The following DHRSX variants were observed in gnomAD, a reference collection of about 807,000 sequenced individuals.
DHRSX encodes the protein dehydrogenase/reductase X-linked, also known as polyprenol dehydrogenase.
A neutral mutation model predicts 34.0 loss-of-function variants in DHRSX; 31 were observed. The ratio of observed to expected loss-of-function variants is 0.91; its 90% CI spans 0.69 to 1.23. The LOEUF (loss-of-function observed/expected upper bound fraction) is 1.23, where lower values mean the gene tolerates loss of function less well. Ranked by LOEUF, DHRSX falls within the 50% of genes most tolerant of loss-of-function variation. DHRSX has a pLI of 0.00. For synonymous variants in DHRSX, 201 were observed against 183.8 expected (o/e 1.09, Z -0.76); for missense variants, 414 against 428.1 (o/e 0.97, Z 0.29).
intron 3 of DHRSX, among the ~76,000 whole-genome samples, chrX:2,386,769 G>T (rs1035883159): frequency 6.6e-6 from 1 of 151,620 alleles, no homozygotes; most frequent in African/African-American, 2.4e-5. Context: ...CCTCTTTCTT[G>T]TTCCAATTCA....
intron 6 of DHRSX, among the ~76,000 whole-genome samples, chrX:2,223,127 C>CA (rs1302351538): frequency 6.6e-6 from 1 of 152,092 alleles, no homozygotes; most frequent in Non-Finnish European, 1.5e-5. Flanking sequence ...GCTGTGTCCC[C>CA]ACCCAAATTT....
At chrX:2,243,797 T>TTGTTTTGTTTTG (rs1385340878) in intron 5 of DHRSX, among the ~76,000 whole-genome samples, 1 of 67,174 alleles carries the variant, frequency 1.5e-5, no homozygotes, top group Admixed American at 1.6e-4. Flanking sequence ...TGTTTTTTTT[T>TTGTTTTGTTTTG]TTTTTTTTTT....
At chrX:2,233,743 G>A (rs2124413725) in intron 6 of DHRSX, among the ~76,000 whole-genome samples, 1 of 152,092 alleles carries the variant, frequency 6.6e-6, no homozygotes, top group African/African-American at 2.4e-5. Flanking sequence ...TGGGCAGTGG[G>A]TGGATGGTGA....
chrX:2,223,057 G>A (rs1370170171), intron 6 of DHRSX, among the ~76,000 whole-genome samples: 4 of 152,162 alleles, frequency 2.6e-5, no homozygotes, highest in Non-Finnish European at 5.9e-5. Context: ...TCACCTAGGG[G>A]TGCCCAGAGA....
At chrX:2,493,825 C>T (rs1281665335) in intron 1 of DHRSX, among the ~76,000 whole-genome samples, 2 of 151,920 alleles carry the variant, frequency 1.3e-5, no homozygotes, top group Non-Finnish European at 2.9e-5. Context: ...CAAAATTAGC[C>T]GGGCGTGGTA....
intron 1 of DHRSX, among the ~76,000 whole-genome samples, chrX:2,464,228 C>G (rs947376471): frequency 6.7e-6 from 1 of 148,376 alleles, no homozygotes; most frequent in African/African-American, 2.5e-5. Context: ...TTAAGACATT[C>G]CCTAAGCACG....
At chrX:2,317,982 G>A (rs2042260617) in intron 3 of DHRSX, among the ~76,000 whole-genome samples, 1 of 152,046 alleles carries the variant, frequency 6.6e-6, no homozygotes, top group Admixed American at 6.6e-5. Flanking sequence ...TTCCTTATGA[G>A]CAATTTGTGA....
Position 2,418,394 on chromosome X carries a change from C to T in DHRSX, c.217+6803G>A, listed in dbSNP as rs1377467523. Among the ~76,000 whole-genome samples the T allele has an allele frequency of 2.6e-5, 4 of 151,910 alleles. No homozygotes were observed. The East Asian group carries it at 7.8e-4, about 30-fold the overall frequency. ...TAACTCAACCAGACATCATCAGAAC[C>T]TAATACAACTAGACTTCATCATGAC... On this transcript the variant is annotated intron_variant, in intron 2 of 6. Transcript: ENST00000334651.
At chrX:2,347,391 G>GGAAT (rs1277707914) in intron 3 of DHRSX, among the ~76,000 whole-genome samples, 1 of 152,166 alleles carries the variant, frequency 6.6e-6, no homozygotes, top group African/African-American at 2.4e-5. Flanking sequence ...ACAACAGGTG[G>GGAAT]GAATACAAGA....
intron 5 of DHRSX, among the ~76,000 whole-genome samples, chrX:2,265,021 G>A (rs1293435515): frequency 7.6e-4 from 114 of 150,686 alleles, no homozygotes; most frequent in African/African-American, 2.6e-3. Context: ...AGGGAGCACT[G>A]TCCCCAGAGC....
At chrX:2,320,023 T>G (rs2042289122) in intron 3 of DHRSX, among the ~76,000 whole-genome samples, 1 of 151,804 alleles carries the variant, frequency 6.6e-6, no homozygotes, top group African/African-American at 2.4e-5. Context: ...AGAGACGGGT[T>G]TCACCATGTT....
Position 2,418,925 on chromosome X carries a change from C to T in DHRSX, c.217+6272G>A, listed in dbSNP as rs1367372276. ...GTCTCCAAGCTAAATCTCAGAACCC[C>T]CCCTGCCCTACATCTTGTCTCTAAT... is the stretch of plus-strand genomic sequence containing the variant. On this transcript the variant is annotated intron_variant, in intron 2 of 6. Transcript: ENST00000334651. Among the ~76,000 whole-genome samples the T allele has an allele frequency of 2.6e-5, 4 of 152,244 alleles. No individual in the cohort carries two copies. The South Asian group carries it at 8.3e-4, about 32-fold the overall frequency.
chrX:2,371,505 C>CCCGTTACCACAGCCCCTCCT (rs1488288242), intron 3 of DHRSX, among the ~76,000 whole-genome samples: 9 of 149,674 alleles, frequency 6.0e-5, no homozygotes, highest in Admixed American at 6.0e-4. Context: ...GTAGACCCTC[C>CCCGTTACCACAGCCCCTCCT]CCGTTACCAC....
At chrX:2,372,775 AT>A (rs761564916) in intron 3 of DHRSX, among the ~76,000 whole-genome samples, 4 of 151,754 alleles carry the variant, frequency 2.6e-5, no homozygotes, top group Admixed American at 2.6e-4. Flanking sequence ...TGCCCGGCTA[AT>A]TTTTTGTATT....
chrX:2,440,374 TG>T (rs2044047655), intron 1 of DHRSX, among the ~76,000 whole-genome samples: 1 of 151,706 alleles, frequency 6.6e-6, no homozygotes, highest in African/African-American at 2.4e-5. Context: ...ATAATTTTTG[TG>T]TTTTTTTGTA....
chrX:2,496,289 C>G (rs375695040), intron 1 of DHRSX, among the ~76,000 whole-genome samples: 10 of 152,062 alleles, frequency 6.6e-5, no homozygotes, highest in African/African-American at 2.4e-4. Flanking sequence ...ACCTCCACCT[C>G]CCAGGTTCAC....
chrX:2,327,639 T>C (rs1047407530), intron 3 of DHRSX, among the ~76,000 whole-genome samples: 1 of 152,158 alleles, frequency 6.6e-6, no homozygotes. Flanking sequence ...GATGGGCTGA[T>C]TCCTTCTCCC....
At chrX:2,373,778 C>G (rs148255510) in intron 3 of DHRSX, among the ~76,000 whole-genome samples, 13,998 of 152,112 alleles carry the variant, frequency 0.092, 857 homozygotes, top group East Asian at 0.2. Context: ...AACAGGAAAC[C>G]TAGGCAGGCT....
chrX:2,320,239 T>G (rs1351131854), intron 3 of DHRSX, among the ~76,000 whole-genome samples: 1 of 148,310 alleles, frequency 6.7e-6, no homozygotes, highest in Non-Finnish European at 1.5e-5. Flanking sequence ...TGCGCTGTTG[T>G]GGTAGCGATC....
Sources: allele counts gnomAD v4.1 joint callset (sites outside exome capture counted in the v4.1 genomes callset), GRCh38; gene constraint gnomAD v4.1.1; transcripts MANE v1.5; gene names NCBI Gene and HGNC (gene_info 2026-07-23, HGNC 2026-07-21).